FRMD4A: variants seen among roughly 807,000 people sequenced by gnomAD.
The protein encoded by FRMD4A is FERM domain-containing protein 4A.
In FRMD4A, 29 loss-of-function variants were observed where a neutral mutation model predicts 129.1. That is an observed-to-expected ratio of 0.22 (90% CI 0.17 to 0.31). FRMD4A has a LOEUF of 0.31. Ranked by LOEUF, FRMD4A falls within the 10% of genes least tolerant of loss-of-function variation. The probability of loss-of-function intolerance (pLI) is 1.00; values close to 1 mark genes in which losing one functional copy is unlikely to be tolerated. For synonymous variants in FRMD4A, 634 were observed against 571.6 expected, an observed-to-expected ratio of 1.11 and a Z score of -1.56; for missense variants, 1,272 against 1,375.8, an observed-to-expected ratio of 0.92 and a Z score of 1.19.
chr10:14,277,080 G>C (rs1188334077), intron 2 of FRMD4A, among the ~76,000 whole-genome samples: 2 of 152,140 alleles, frequency 1.3e-5, no homozygotes, highest in Non-Finnish European at 2.9e-5. Flanking sequence ...GCCCAGGCTG[G>C]TCTTGAACTC....
chr10:13,946,538 G>A (rs1258572561), intron 2 of FRMD4A, among the ~76,000 whole-genome samples: 2 of 152,172 alleles, frequency 1.3e-5, no homozygotes, highest in Non-Finnish European at 2.9e-5. Flanking sequence ...GGTCAGTCTG[G>A]AAACTCTGGT....
chr10:14,121,766 T>C (rs1838534299), intron 2 of FRMD4A, among the ~76,000 whole-genome samples: 1 of 152,182 alleles, frequency 6.6e-6, no homozygotes, highest in Admixed American at 6.5e-5. Context: ...TGAAAACCAT[T>C]GGCTTTAGGG....
chr10:13,738,273 C>T lies in FRMD4A; in HGVS notation c.673-343G>A, dbSNP rs146244644. On this transcript the variant is annotated intron_variant, in intron 11 of 24. Coordinates refer to ENST00000357447, the MANE Select transcript of FRMD4A (RefSeq NM_018027.5). ...TTCTAAGAATTTAGGCATTCCATGC[C>T]GGGATGCTCACTCACCACAACTGAA... Among the ~76,000 whole-genome samples the T allele has an allele frequency of 3.5e-4, 53 of 152,254 alleles. 1 individual carries two copies. Among genetic ancestry groups the T allele is most frequent in the African/African-American group, 1.1e-3 (47 of 41,548 alleles).
At chr10:14,039,464 A>G (rs1490864354) in intron 2 of FRMD4A, among the ~76,000 whole-genome samples, 1 of 35,360 alleles carries the variant, frequency 2.8e-5, no homozygotes, top group Admixed American at 3.1e-4. Flanking sequence ...CAATCTATCT[A>G]TCTATCTATC....
chr10:13,904,702 C>T (rs1427672054), intron 2 of FRMD4A, among the ~76,000 whole-genome samples: 2 of 152,100 alleles, frequency 1.3e-5, no homozygotes, highest in African/African-American at 2.4e-5. Context: ...TAATAAAAAG[C>T]AGGGGAGTCA....
intron 2 of FRMD4A, among the ~76,000 whole-genome samples, chr10:14,296,468 C>G (rs1846012535): frequency 6.6e-6 from 1 of 152,162 alleles, no homozygotes; most frequent in African/African-American, 2.4e-5. Context: ...TTTCTGACCC[C>G]CATGCCTTTG....
intron 8 of FRMD4A, among the ~76,000 whole-genome samples, chr10:13,753,587 C>T (rs1024282453): frequency 1.4e-5 from 2 of 144,616 alleles, no homozygotes; most frequent in African/African-American, 5.1e-5. Flanking sequence ...CTTTGTTGCC[C>T]AGGCTAGAGC....
At chr10:13,861,468 A>G (rs1476679831) in intron 2 of FRMD4A, among the ~76,000 whole-genome samples, 1 of 152,154 alleles carries the variant, frequency 6.6e-6, no homozygotes, top group Non-Finnish European at 1.5e-5. Flanking sequence ...ATGGGGGCTA[A>G]TCTCAATGTC....
intron 5 of FRMD4A, 90 bp from the exon 6 acceptor site, chr10:13,783,096 T>C: frequency 1.4e-6 from 1 of 729,200 alleles, no homozygotes; most frequent in Non-Finnish European, 2.5e-6. Context: ...AGATGAAAGC[T>C]GGCATTCCCC....
chr10:13,761,443 T>G (rs942172862), intron 8 of FRMD4A, among the ~76,000 whole-genome samples: 5 of 152,232 alleles, frequency 3.3e-5, no homozygotes, highest in Non-Finnish European at 5.9e-5. Context: ...GCTTTGCATG[T>G]AGTGGAGAAT....
intron 2 of FRMD4A, among the ~76,000 whole-genome samples, chr10:14,166,546 T>C (rs562163557): frequency 6.6e-6 from 1 of 152,362 alleles, no homozygotes; most frequent in South Asian, 2.1e-4. Flanking sequence ...GAATCTAAAG[T>C]TCCAAATGGA....
intron 2 of FRMD4A, among the ~76,000 whole-genome samples, chr10:14,005,788 T>C (rs1018453874): frequency 6.6e-6 from 1 of 152,114 alleles, no homozygotes; most frequent in African/African-American, 2.4e-5. Flanking sequence ...ATAAAGAAGA[T>C]TAAAACTCTC....
chr10:14,163,930 C>T (rs1303400525), intron 2 of FRMD4A, among the ~76,000 whole-genome samples: 1 of 152,210 alleles, frequency 6.6e-6, no homozygotes, highest in African/African-American at 2.4e-5. Context: ...GAGTATCTCC[C>T]TCTGCAAGTG....
chr10:13,856,954 A>G (rs1049479165), intron 3 of FRMD4A, among the ~76,000 whole-genome samples: 1 of 152,168 alleles, frequency 6.6e-6, no homozygotes, highest in Admixed American at 6.5e-5. Flanking sequence ...AACTCTTCGC[A>G]CTGAGTCTTG....
intron 2 of FRMD4A, among the ~76,000 whole-genome samples, chr10:14,205,853 G>A (rs1007640644): frequency 1.3e-5 from 2 of 150,418 alleles, no homozygotes; most frequent in East Asian, 2.0e-4. Flanking sequence ...ACTCTTGCAG[G>A]CCTCCAGGCC....
intron 2 of FRMD4A, among the ~76,000 whole-genome samples, chr10:13,985,250 C>T (rs2095576887): frequency 6.6e-6 from 1 of 152,212 alleles, no homozygotes; most frequent in African/African-American, 2.4e-5. Context: ...TCGGGTGTCC[C>T]TCCTCCTGCA....
chr10:14,146,421 C>CAACAA lies in FRMD4A; in HGVS notation c.45+183636_45+183637insTTGTT, dbSNP rs1176373114. 1.1e-4 allele frequency among the ~76,000 whole-genome samples: 17 copies of CAACAA among 152,244 alleles called. 1 individual carries two copies. The East Asian group carries it at 3.1e-3, about 28-fold the overall frequency. Reference sequence around the variant, plus strand: ...TGATACAATATAATTCAACACAACACAACACAACACAACATGACTTAATGC... The same window carrying CAACAA: ...TGATACAATATAATTCAACACAACACAACAAAACACAACACAACATGACTTAATGC... On this transcript the variant is annotated intron_variant, in intron 2 of 24. Coordinates refer to ENST00000357447, the MANE Select transcript of FRMD4A (RefSeq NM_018027.5).
At chr10:13,713,703 C>T (rs940270747) in intron 12 of FRMD4A, among the ~76,000 whole-genome samples, 2 of 150,108 alleles carry the variant, frequency 1.3e-5, no homozygotes, top group Admixed American at 6.8e-5. Flanking sequence ...ATCCCATGTG[C>T]CCTGGTAAGG....
At chr10:13,752,952 T>G (rs927327379) in intron 8 of FRMD4A, among the ~76,000 whole-genome samples, 1 of 152,224 alleles carries the variant, frequency 6.6e-6, no homozygotes, top group Non-Finnish European at 1.5e-5. Context: ...GGTGCTGCCC[T>G]AGGCCCTGCC....
Sources: gnomAD v4.1 joint callset for allele counts (sites outside exome capture counted in the v4.1 genomes callset) on GRCh38, gnomAD v4.1.1 for gene constraint, MANE v1.5 for transcripts, NCBI Gene and HGNC (gene_info 2026-07-23, HGNC 2026-07-21) for gene names.